The following XRCC5 variants were observed in gnomAD, a reference collection of about 807,000 sequenced individuals.
The protein encoded by XRCC5 is DNA repair protein Ku80.
In XRCC5, 12 loss-of-function variants were observed where a neutral mutation model predicts 95.7. The ratio of observed to expected loss-of-function variants is 0.13; its 90% CI spans 0.08 to 0.20. The LOEUF is 0.20. XRCC5 is among the 10% of genes least tolerant of loss of function. The pLI, the probability that XRCC5 is intolerant of heterozygous loss-of-function variation, is 1.00. For synonymous variants in XRCC5, 281 were observed against 290.3 expected (o/e 0.97, Z 0.33); for missense variants, 595 against 873.9 (o/e 0.68, Z 4.02).
chr2:216,128,057 TA>T (rs1300263942), intron 8 of XRCC5: 1 of 153,458 alleles, frequency 6.5e-6, no homozygotes, highest in African/African-American at 2.4e-5. Context: ...CTTCAGGTTT[TA>T]TGTCCTACCA....
chr2:216,146,925 G>T (rs114216056), intron 13 of XRCC5, among the ~76,000 whole-genome samples: 104 of 152,272 alleles, frequency 6.8e-4, no homozygotes, highest in African/African-American at 2.5e-3. Flanking sequence ...AGTATTTTTG[G>T]TGCTTAGAAT....
chr2:216,166,677 A>G (rs1440343041), intron 16 of XRCC5, among the ~76,000 whole-genome samples: 1 of 152,304 alleles, frequency 6.6e-6, no homozygotes, highest in South Asian at 2.1e-4. Flanking sequence ...GCGCTTTCCC[A>G]ACTTAGGAAG....
chr2:216,181,040 C>T lies in XRCC5; in HGVS notation c.1835-9185C>T, dbSNP rs761401788. On this transcript the variant is annotated intron_variant, in intron 16 of 20. Transcript: ENST00000392132. ...ATTGGTCAGGCTGGTCTCGAACTCC[C>T]GACCTCAGATCATCCACCCGCCTCG... 1.4e-4 allele frequency among the ~76,000 whole-genome samples: 22 copies of T among 151,954 alleles called. 1 individual carries two copies. The highest frequency in any genetic ancestry group is 2.1e-4 in the South Asian group (1 of 4,812).
intron 8 of XRCC5, 65 bp downstream of exon 8, chr2:216,127,739 C>A: frequency 6.8e-7 from 1 of 1,481,168 alleles, no homozygotes; most frequent in Non-Finnish European, 9.1e-7. Context: ...GTGATGCAGG[C>A]TGGGGTTTGT....
chr2:216,165,116 G>C (rs1212023814), intron 16 of XRCC5, among the ~76,000 whole-genome samples: 3 of 152,116 alleles, frequency 2.0e-5, no homozygotes, highest in Non-Finnish European at 4.4e-5. Flanking sequence ...GATCACATAG[G>C]AATTCAAACA....
chr2:216,123,416 C>T (rs1454141333), intron 6 of XRCC5, among the ~76,000 whole-genome samples: 1 of 152,154 alleles, frequency 6.6e-6, no homozygotes, highest in African/African-American at 2.4e-5. Flanking sequence ...GTAATGTGTT[C>T]TTGTCACAAT....
At chr2:216,161,936 A>C (rs183820374) in intron 15 of XRCC5, 43 bp from the exon 16 acceptor site, 653 of 1,575,734 alleles carry the variant, frequency 4.1e-4, no homozygotes, top group Non-Finnish European at 5.4e-4. Context: ...GCTGCTAAAA[A>C]GAGAAATAAC....
intron 20 of XRCC5, 111 bp from the exon 21 acceptor site, chr2:216,205,077 A>T: frequency 7.9e-7 from 1 of 1,266,970 alleles, no homozygotes; most frequent in Non-Finnish European, 1.2e-6. Context: ...ATGAGCAAGT[A>T]CATGCATGCC....
At chr2:216,156,721 A>T (rs2106024489) in intron 14 of XRCC5, 2 of 537,634 alleles carry the variant, frequency 3.7e-6, no homozygotes, top group Admixed American at 3.9e-5. Context: ...GCTGCACAAG[A>T]TTTATTCCTC....
intron 1 of XRCC5, among the ~76,000 whole-genome samples, chr2:216,109,735 A>C (rs1225408776): frequency 8.4e-6 from 1 of 118,864 alleles, no homozygotes; most frequent in Admixed American, 1.0e-4. Context: ...TCTTTGTCTC[A>C]CCTGCCTCCC....
chr2:216,156,305 G>C (rs1243839473), intron 14 of XRCC5: 9 of 601,890 alleles, frequency 1.5e-5, no homozygotes, highest in Non-Finnish European at 2.9e-5. Context: ...AAGGCAGGAA[G>C]CAGAAGCAAT....
chr2:216,195,125 C>T, intron 19 of XRCC5, 139 bp downstream of exon 19: 3 of 729,278 alleles, frequency 4.1e-6, no homozygotes, highest in Non-Finnish European at 6.9e-6. Context: ...TTGCTTCAAC[C>T]ACAGCATCCC....
At chr2:216,198,338 C>A (rs1307188985) in intron 19 of XRCC5, among the ~76,000 whole-genome samples, 1 of 152,026 alleles carries the variant, frequency 6.6e-6, no homozygotes, top group Non-Finnish European at 1.5e-5. Flanking sequence ...ATAGAGTAGA[C>A]CCTGTAATTT....
rs1697177380 is a variant in XRCC5, at chr2:216,141,817, C to T, written c.1476+498C>T. ...CCTGTAATCCCAGCACTTTGGGAGG[C>T]TGAGGCAGGTGCATCACTTGAGGTC... is the stretch of plus-strand genomic sequence containing the variant. On this transcript the variant is annotated intron_variant, in intron 13 of 20. Transcript: ENST00000392132. 2.0e-5 allele frequency among the ~76,000 whole-genome samples: 3 copies of T among 152,088 alleles called. No individual in the cohort carries two copies. The South Asian group carries it at 6.2e-4, about 31-fold the overall frequency.
chr2:216,136,922 A>T (rs1449186135), intron 10 of XRCC5, among the ~76,000 whole-genome samples, 166 bp from the exon 11 acceptor site: 1 of 152,242 alleles, frequency 6.6e-6, no homozygotes, highest in East Asian at 1.9e-4. Context: ...GAAGAGCTAC[A>T]GTAAATGTAA....
chr2:216,188,483 A>C (rs1218425886), intron 16 of XRCC5, among the ~76,000 whole-genome samples: 2 of 152,250 alleles, frequency 1.3e-5, no homozygotes, highest in East Asian at 3.8e-4. Flanking sequence ...ACAAAGAGAA[A>C]CATTTATATT....
chr2:216,157,064 C>A (rs1468102450), intron 14 of XRCC5, among the ~76,000 whole-genome samples: 1 of 152,186 alleles, frequency 6.6e-6, no homozygotes, highest in Non-Finnish European at 1.5e-5. Context: ...AACAAAGCCA[C>A]CAGACTGAGG....
chr2:216,119,021 A>G, intron 4 of XRCC5, 22 bp from the exon 5 acceptor site: 1 of 1,609,162 alleles, frequency 6.2e-7, no homozygotes. Context: ...TGATTTCTTA[A>G]TATGATAACT....
intron 18 of XRCC5, 54 bp downstream of exon 18, chr2:216,192,789 A>T: frequency 8.3e-7 from 1 of 1,209,340 alleles, no homozygotes; most frequent in South Asian, 1.7e-5. Flanking sequence ...TACTTATGCT[A>T]TTTTATTCTA....
Sources: allele counts gnomAD v4.1 joint callset (sites outside exome capture counted in the v4.1 genomes callset), GRCh38; gene constraint gnomAD v4.1.1; transcripts MANE v1.5; gene names NCBI Gene and HGNC (gene_info 2026-07-23, HGNC 2026-07-21).